The following PDXDC1 variants were observed in gnomAD, a reference collection of about 807,000 sequenced individuals.
PDXDC1 encodes the protein pyridoxal-dependent decarboxylase domain-containing protein 1.
PDXDC1 carries 42 observed loss-of-function variants against 100.1 expected under a neutral mutation model. The ratio of observed to expected loss-of-function variants is 0.42; its 90% CI spans 0.33 to 0.54. The LOEUF is 0.54. PDXDC1 is among the 20% of genes least tolerant of loss of function. PDXDC1 has a pLI of 0.10. For synonymous variants in PDXDC1, 260 were observed against 371.7 expected (o/e 0.70, Z 3.46); for missense variants, 636 against 979.2 (o/e 0.65, Z 4.68).
chr16:15,114,922 A>G (rs2047189145), intron 16 of PDXDC1, among the ~76,000 whole-genome samples: 1 of 102,196 alleles, frequency 9.8e-6, no homozygotes, highest in South Asian at 3.8e-4. Flanking sequence ...CTAAAAAAAA[A>G]AAAAATTTTT....
downstream of PDXDC1, among the ~76,000 whole-genome samples, chr16:15,143,240 G>A (rs1234126938): frequency 8.5e-5 from 13 of 152,096 alleles, no homozygotes; most frequent in Non-Finnish European, 1.8e-4. Context: ...GGGTGGAGAA[G>A]GAAGTCCCAG....
rs1315085570 is a variant in PDXDC1, at chr16:15,031,818, T to C, written c.1483T>C (p.Leu495=). ...GCCAGTGCTGTGCTGTACGCTCCAG[T>C]TGCGTGAAGAGTTCAAGCAGGAAGT... The part of the protein sequence containing the change: ...KLPVLCCTLQ[L]REEFKQEVEA... The change falls in exon 17 of 23, where the codon TTG becomes CTG. Residue 495 remains leucine, a synonymous_variant. Transcript: ENST00000396410. The C allele has an allele frequency of 6.2e-7, 1 of 1,613,704 alleles. No homozygotes were observed. The highest frequency in any genetic ancestry group is 8.5e-7 in the Non-Finnish European group (1 of 1,179,674).
intron 16 of PDXDC1, chr16:15,047,603 C>T (rs764996750): frequency 5.3e-6 from 7 of 1,319,300 alleles, no homozygotes; most frequent in African/African-American, 4.3e-5. Flanking sequence ...GAGTGCAGTG[C>T]GCAGGCCGAG....
At chr16:15,088,712 G>GT (rs2046002947) in intron 16 of PDXDC1, among the ~76,000 whole-genome samples, 2 of 152,098 alleles carry the variant, frequency 1.3e-5, no homozygotes, top group Non-Finnish European at 2.9e-5. Flanking sequence ...AGAAGGAAAA[G>GT]TATGTTTTCA....
At chr16:15,025,165 TTCAC>T (rs2042494852) in intron 13 of PDXDC1, 1 of 152,352 alleles carries the variant, frequency 6.6e-6, no homozygotes, top group Non-Finnish European at 1.5e-5. Flanking sequence ...AACTTCAGTG[TTCAC>T]TCAGTCTATC....
At chr16:15,097,938 C>CTTTTTT (rs35852184) in intron 16 of PDXDC1, among the ~76,000 whole-genome samples, 25 of 89,616 alleles carry the variant, frequency 2.8e-4, no homozygotes, top group Admixed American at 1.0e-3. Context: ...CAACATTATG[C>CTTTTTT]TTTTTTTTTT....
At chr16:14,979,503 T>C (rs1215719881) in intron 1 of PDXDC1, among the ~76,000 whole-genome samples, 5 of 152,296 alleles carry the variant, frequency 3.3e-5, no homozygotes, top group Non-Finnish European at 5.9e-5. Context: ...TTGACCAGGC[T>C]GGTCTCAAGC....
intron 1 of PDXDC1, chr16:14,989,404 G>T (rs1280707064): frequency 6.2e-7 from 1 of 1,608,758 alleles, no homozygotes; most frequent in Non-Finnish European, 8.5e-7. Context: ...GTGGGCGTAG[G>T]CGGGGACCGG....
At chr16:15,091,227 C>G (rs2046119174) in intron 16 of PDXDC1, 1 of 1,534,054 alleles carries the variant, frequency 6.5e-7, no homozygotes, top group Non-Finnish European at 8.9e-7. Context: ...AGAGCAAGTT[C>G]TGGAGGACAG....
At chr16:14,989,356 G>A in intron 1 of PDXDC1, 4 of 1,611,898 alleles carry the variant, frequency 2.5e-6, no homozygotes, top group Middle Eastern at 3.4e-4. Context: ...CGGTTCACCA[G>A]CTTCTTGGCG....
chr16:15,040,391 G>A, downstream of PDXDC1: 2 of 293,870 alleles, frequency 6.8e-6, no homozygotes, highest in Non-Finnish European at 1.2e-5. Flanking sequence ...GCCAGGGGTG[G>A]CTGGGTGAAC....
intron 16 of PDXDC1, chr16:15,133,686 C>G (rs539308590): frequency 0.011 from 17,240 of 1,594,456 alleles, 125 homozygotes; most frequent in Middle Eastern, 0.036. Flanking sequence ...GCGCCAGCAT[C>G]CTCCGCGTCA....
chr16:15,094,181 G>A (rs367562275), intron 16 of PDXDC1: 17 of 1,602,328 alleles, frequency 1.1e-5, no homozygotes, highest in Non-Finnish European at 1.4e-5. Context: ...AACTGCAGAG[G>A]ACGAAGCGGC....
At chr16:15,151,961 G>T in the PDXDC1 span, among the ~76,000 whole-genome samples, 1 of 139,642 alleles carries the variant, frequency 7.2e-6, no homozygotes, top group African/African-American at 2.6e-5. Context: ...AAACACATGG[G>T]TCAGGAGGGG....
intron 16 of PDXDC1, among the ~76,000 whole-genome samples, chr16:15,100,497 C>T (rs1421374323): frequency 1.3e-5 from 2 of 152,140 alleles, no homozygotes; most frequent in Admixed American, 1.3e-4. Flanking sequence ...TTTGGGCCAA[C>T]CAGATACTTC....
At chr16:15,150,387 A>AAATG in the PDXDC1 span, among the ~76,000 whole-genome samples, 2 of 149,934 alleles carry the variant, frequency 1.3e-5, no homozygotes, top group African/African-American at 2.4e-5. Context: ...ATAAATAAAT[A>AAATG]AAAGACATCA....
chr16:15,019,389 C>T (rs1467430902), intron 12 of PDXDC1, among the ~76,000 whole-genome samples: 1 of 152,278 alleles, frequency 6.6e-6, no homozygotes, highest in Non-Finnish European at 1.5e-5. Flanking sequence ...TTCCAAATTG[C>T]AGGGCTCTTG....
intron 6 of PDXDC1, among the ~76,000 whole-genome samples, chr16:15,007,582 A>G (rs2040892600): frequency 6.6e-6 from 1 of 152,402 alleles, no homozygotes; most frequent in Admixed American, 6.5e-5. Context: ...AAGCAAAACC[A>G]TAGGGTTGGA....
chr16:15,039,926 CT>C (rs34345533), downstream of PDXDC1: 55,390 of 907,054 alleles, frequency 0.061, no homozygotes, highest in South Asian at 0.076. Flanking sequence ...CATTTGATGC[CT>C]TTTTTTTTTT....
Sources: allele counts gnomAD v4.1 joint callset (sites outside exome capture counted in the v4.1 genomes callset), GRCh38; gene constraint gnomAD v4.1.1; transcripts MANE v1.5; gene names NCBI Gene and HGNC (gene_info 2026-07-23, HGNC 2026-07-21).